Variants in SLC25A16 observed in about 807,000 individuals in gnomAD.
The protein encoded by SLC25A16 is mitochondrial coenzyme A transporter SLC25A16.
Under a neutral mutation model 41.5 loss-of-function variants are expected in SLC25A16, and 39 were observed. The ratio of observed to expected loss-of-function variants is 0.94; its 90% CI spans 0.73 to 1.23. The LOEUF (loss-of-function observed/expected upper bound fraction) is 1.23. Among genes scored for constraint, SLC25A16 ranks in the 50% most tolerant of loss-of-function variants. SLC25A16 has a pLI of 0.00. For synonymous variants in SLC25A16, 146 were observed against 147.8 expected (o/e 0.99, Z 0.09); for missense variants, 421 against 426.9 (o/e 0.99, Z 0.12).
intron 3 of SLC25A16, among the ~76,000 whole-genome samples, chr10:68,505,467 T>C (rs2052935197): frequency 6.6e-6 from 1 of 152,208 alleles, no homozygotes; most frequent in African/African-American, 2.4e-5. Context: ...TCTCATTCAT[T>C]AGGAGTGAAC....
rs549348236 is a variant in SLC25A16, at chr10:68,487,195, G to A, written c.791C>T (p.Thr264Ile). 3 of 1,613,512 alleles carry A rather than the reference G, an allele frequency of 1.9e-6. No individual in the cohort carries two copies. The highest frequency in any genetic ancestry group is 1.7e-5 in the Admixed American group (1 of 59,986). The part of the protein sequence containing the change: ...AQTISYPFDV[T>I]RRRMQLGTVL... ...AGTTCCTAATTGCATTCGCCGACGA[G>A]TCACATCAAATGGGTAGCTAAAAGA... The change falls in exon 8 of 9, where the codon ACT becomes ATT. Residue 264 changes from threonine (T) to isoleucine (I), a missense_variant. Physicochemically the swap from Thr to Ile is moderately conservative, Grantham distance 89. Coordinates refer to ENST00000609923, the MANE Select transcript of SLC25A16 (RefSeq NM_152707.4).
intron 6 of SLC25A16, among the ~76,000 whole-genome samples, chr10:68,491,414 G>A (rs771718540): frequency 2.6e-5 from 4 of 151,700 alleles, no homozygotes; most frequent in South Asian, 2.1e-4. Context: ...TAGTAGAGAC[G>A]GTGTTTCTCC....
chr10:68,497,559 AAC>A (rs2052769698), intron 4 of SLC25A16, among the ~76,000 whole-genome samples: 1 of 152,046 alleles, frequency 6.6e-6, no homozygotes, highest in Non-Finnish European at 1.5e-5. Context: ...AAACCATTAT[AAC>A]ACAAAAGAAT....
At chr10:68,514,487 C>A (rs1248257260) in intron 2 of SLC25A16, among the ~76,000 whole-genome samples, 1 of 152,140 alleles carries the variant, frequency 6.6e-6, no homozygotes, top group Non-Finnish European at 1.5e-5. Flanking sequence ...CACAGTGAAA[C>A]TCCATCTCAA....
At chr10:68,516,673 C>T (rs1245062624) in intron 2 of SLC25A16, 78 bp downstream of exon 2, 5 of 1,014,338 alleles carry the variant, frequency 4.9e-6, no homozygotes, top group Non-Finnish European at 7.2e-6. Flanking sequence ...TTTTTACACC[C>T]CCAAACTTAA....
intron 4 of SLC25A16, chr10:68,499,781 T>A (rs2052809927): frequency 7.2e-6 from 3 of 419,462 alleles, no homozygotes; most frequent in Non-Finnish European, 1.4e-5. Context: ...CTACACTGAA[T>A]GAGTGCAGTG....
chr10:68,509,230 G>C (rs1321180245), intron 2 of SLC25A16, among the ~76,000 whole-genome samples: 1 of 151,914 alleles, frequency 6.6e-6, no homozygotes, highest in Non-Finnish European at 1.5e-5. Context: ...CCAGCTACGA[G>C]GGAGGGTGAA....
chr10:68,510,898 A>G (rs1204109335), intron 2 of SLC25A16, among the ~76,000 whole-genome samples: 3 of 152,126 alleles, frequency 2.0e-5, no homozygotes. Context: ...TCTTATACCT[A>G]CAAAAAGTGG....
rs190814094 is a variant in SLC25A16, at chr10:68,484,152, C to G, written c.843-564G>C. 3.7e-3 allele frequency among the ~76,000 whole-genome samples: 562 copies of G among 152,292 alleles called. 7 individuals are homozygous for G. The highest frequency in any genetic ancestry group is 0.013 in the African/African-American group (541 of 41,574). The stretch of plus-strand genomic sequence containing the variant: ...GTTTGTACTATGTCTATGACATTTA[C>G]TGGACAACAACTATTTCATACTTAT... On this transcript the variant is annotated intron_variant, in intron 8 of 8. Transcript: ENST00000609923.
chr10:68,506,535 C>T (rs770037152), intron 3 of SLC25A16, 50 bp downstream of exon 3: 3 of 1,332,990 alleles, frequency 2.3e-6, no homozygotes, highest in Admixed American at 4.9e-5. Flanking sequence ...CCTGGTCAAG[C>T]ATGCATGATA....
chr10:68,500,802 G>A (rs10998230), intron 4 of SLC25A16, among the ~76,000 whole-genome samples: 24,139 of 150,016 alleles, frequency 0.16, 2,168 homozygotes, highest in Admixed American at 0.26. Context: ...TATGTGGCAC[G>A]TGCCCGTAAT....
intron 3 of SLC25A16, among the ~76,000 whole-genome samples, chr10:68,505,241 C>T (rs2133553205): frequency 1.3e-5 from 2 of 152,132 alleles, no homozygotes; most frequent in Admixed American, 1.3e-4. Flanking sequence ...GCCAGTTACT[C>T]AGGAGGCTGA....
intron 2 of SLC25A16, among the ~76,000 whole-genome samples, chr10:68,507,216 G>A (rs926404283): frequency 7.9e-5 from 12 of 151,330 alleles, no homozygotes; most frequent in Admixed American, 2.0e-4. Flanking sequence ...GGGATTACAC[G>A]CGCCCGCCAC....
rs771745123 is a variant in SLC25A16, at chr10:68,527,284, C to T, written c.92G>A (p.Arg31His). ...QAAGAGGPTT[R>H]RDFYWLRSFL... ...GGAGCGCAGCCAGTAGAAGTCTCTGCGGGTTGTGGGCCCTCCGGCCCCTGC... is the reference window on the plus strand; with the variant it reads ...GGAGCGCAGCCAGTAGAAGTCTCTGTGGGTTGTGGGCCCTCCGGCCCCTGC... The change falls in exon 1 of 9, where the codon CGC (arginine) becomes CAC (histidine). Residue 31 changes from arginine to histidine, a missense_variant. Physicochemically the swap from Arg to His is conservative, Grantham distance 29 (BLOSUM62 0). Transcript: ENST00000609923. The T allele has an allele frequency of 1.9e-6, 3 of 1,548,234 alleles. No homozygotes were observed. Among genetic ancestry groups the T allele is most frequent in the Non-Finnish European group, 2.6e-6 (3 of 1,145,848 alleles).
intron 2 of SLC25A16, among the ~76,000 whole-genome samples, chr10:68,508,725 A>C (rs538906124): frequency 6.6e-6 from 1 of 152,246 alleles, no homozygotes; most frequent in Admixed American, 6.6e-5. Flanking sequence ...TCTCAAAAAA[A>C]AAAGAATTCT....
chr10:68,490,832 T>A (rs1210100598), intron 6 of SLC25A16, among the ~76,000 whole-genome samples: 1 of 152,138 alleles, frequency 6.6e-6, no homozygotes, highest in Non-Finnish European at 1.5e-5. Context: ...AATAGATTGA[T>A]GCATTCGACT....
At chr10:68,499,124 G>GGA (rs150461343) in intron 4 of SLC25A16, among the ~76,000 whole-genome samples, 6 of 151,430 alleles carry the variant, frequency 4.0e-5, no homozygotes, top group East Asian at 1.9e-4. Flanking sequence ...GAGGGTTGGG[G>GGA]GAGAGAGAGA....
At chr10:68,489,270 A>G (rs954386806) in intron 6 of SLC25A16, among the ~76,000 whole-genome samples, 5 of 149,210 alleles carry the variant, frequency 3.4e-5, no homozygotes, top group African/African-American at 1.2e-4. Context: ...ACTCTGTCTC[A>G]AACACAAAAC....
intron 2 of SLC25A16, among the ~76,000 whole-genome samples, chr10:68,514,209 A>C (rs2053119236): frequency 1.3e-5 from 2 of 152,154 alleles, no homozygotes; most frequent in Middle Eastern, 6.8e-3. Context: ...AATAGTAATA[A>C]TAATAGGCCG....
Sources: allele counts gnomAD v4.1 joint callset (sites outside exome capture counted in the v4.1 genomes callset), GRCh38; gene constraint gnomAD v4.1.1; transcripts MANE v1.5; gene names NCBI Gene and HGNC (gene_info 2026-07-23, HGNC 2026-07-21).